The following RFTN2 variants were observed in gnomAD, a reference collection of about 807,000 sequenced individuals.
RFTN2 encodes raftlin family member 2.
In RFTN2, 34 loss-of-function variants were observed where a neutral mutation model predicts 52.7. That is an observed-to-expected ratio of 0.64 (90% CI 0.49 to 0.86). The LOEUF (loss-of-function observed/expected upper bound fraction) is 0.86. Among genes scored for constraint, RFTN2 ranks in the 40% least tolerant of loss-of-function variants. RFTN2 has a pLI of 0.00. For missense variants in RFTN2, 536 were observed against 600.1 expected (o/e 0.89, Z 1.12); for synonymous variants, 203 against 217.7 (o/e 0.93, Z 0.59).
In RFTN2 at chr2:197,569,100, A is replaced by G. The variant is rs917644827; in HGVS notation, c.*2908T>C. 3 of 152,208 alleles carry G rather than the reference A, an allele frequency of 2.0e-5. No homozygotes were observed. Among genetic ancestry groups the G allele is most frequent in the African/African-American group, 4.8e-5 (2 of 41,454 alleles). 9.4% of individuals were successfully genotyped at this position (152,208 alleles called of 1,614,324 possible). ...GGTGTTAAATGTGTCCATAAAAGAT[A>G]ACAAGGTGGTATACAATCCAAAGGG... On this transcript the variant is annotated 3_prime_UTR_variant, in exon 9 of 9. Transcript: ENST00000295049.
rs146694121 is a variant in RFTN2 at position 197,604,027 on chromosome 2, G to C, written c.1155-7958C>G. On this transcript the variant is annotated intron_variant, in intron 7 of 8. Coordinates refer to ENST00000295049, the MANE Select transcript of RFTN2 (RefSeq NM_144629.3). The stretch of plus-strand genomic sequence containing the variant: ...AAATCCAAGTGGCCAATAAACATAT[G>C]TAAATGTGCTCAATCTCAGCAAGTA... Among the ~76,000 whole-genome samples, 77 of 152,282 alleles carry C rather than the reference G, an allele frequency of 5.1e-4. 2 individuals carry two copies. The South Asian group carries it at 8.3e-3, about 16-fold the overall frequency.
At position 197,619,740 on chromosome 2, in the gene RFTN2, TAA is replaced by T. The variant is rs201532331; in HGVS notation, c.929-1821_929-1820del. Among the ~76,000 whole-genome samples, 325 of 126,974 alleles carry T rather than the reference TAA, an allele frequency of 2.6e-3. 5 individuals are homozygous for T. Among genetic ancestry groups the T allele is most frequent in the African/African-American group, 9.9e-3 (314 of 31,688 alleles). The allele number at this position is 126,974 out of a possible 152,430, so 83.3% of individuals were successfully genotyped here. A position where few individuals can be genotyped will look rare whatever the true frequency, so the allele number is the denominator to read the frequency against. ...CGAGAAACACCCAAGAATGATCAAT[TAA>T]AAAAAAAAAATAATAATAACAATAA... On this transcript the variant is annotated intron_variant, in intron 5 of 8. Coordinates refer to ENST00000295049, the MANE Select transcript of RFTN2 (RefSeq NM_144629.3).
chr2:197,590,423 C>T (rs1461352598), intron 8 of RFTN2, among the ~76,000 whole-genome samples: 1 of 152,020 alleles, frequency 6.6e-6, no homozygotes, highest in Non-Finnish European at 1.5e-5. Flanking sequence ...AAAACAAATT[C>T]CAAAAGTAAA....
intron 7 of RFTN2, among the ~76,000 whole-genome samples, chr2:197,606,946 G>T (rs959290211): frequency 6.6e-6 from 1 of 152,214 alleles, no homozygotes; most frequent in African/African-American, 2.4e-5. Context: ...TCTGGAACTA[G>T]AAATACTATT....
chr2:197,662,756 T>C (rs1395845907), intron 1 of RFTN2, among the ~76,000 whole-genome samples: 1 of 152,152 alleles, frequency 6.6e-6, no homozygotes, highest in Non-Finnish European at 1.5e-5. Context: ...TTTTGTTTGG[T>C]GTCCTCTTCC....
chr2:197,590,943 G>A (rs774161468), intron 8 of RFTN2, among the ~76,000 whole-genome samples: 4 of 152,202 alleles, frequency 2.6e-5, no homozygotes, highest in Admixed American at 1.3e-4. Flanking sequence ...TGGGGAAGAC[G>A]AGCCCAGCAG....
chr2:197,587,308 A>G (rs1029263016), intron 8 of RFTN2, among the ~76,000 whole-genome samples: 2 of 152,020 alleles, frequency 1.3e-5, no homozygotes, highest in Admixed American at 6.6e-5. Context: ...CCGTCCCAAC[A>G]CTTTACCACT....
chr2:197,588,511 C>A (rs1385847650), intron 8 of RFTN2, among the ~76,000 whole-genome samples: 1 of 152,208 alleles, frequency 6.6e-6, no homozygotes, highest in Non-Finnish European at 1.5e-5. Context: ...ACACCATGCC[C>A]AGTCCTTTTT....
rs1212806708 is a variant in RFTN2, at chr2:197,674,320, C to T, written c.139+1000G>A. Among the ~76,000 whole-genome samples the T allele has an allele frequency of 8.9e-5, 7 of 79,070 alleles. No homozygotes were observed. The Admixed American group carries it at 1.2e-3, about 13-fold the overall frequency. The allele number at this position is 79,070 out of a possible 152,430, so 51.9% of individuals were successfully genotyped here. On this transcript the variant is annotated intron_variant, in intron 1 of 8. Coordinates refer to ENST00000295049, the MANE Select transcript of RFTN2 (RefSeq NM_144629.3). ...TGCTCTTGCTTCTTGCACAAAGATG[C>T]ACTGTTTCTAGAGCAAAGCAAAAAA...
intron 8 of RFTN2, among the ~76,000 whole-genome samples, chr2:197,576,063 C>T (rs563537991): frequency 4.4e-4 from 67 of 151,534 alleles, no homozygotes; most frequent in Non-Finnish European, 6.8e-4. Flanking sequence ...GGCTGGAGTG[C>T]GGTGGTGCAA....
At position 197,617,787 on chromosome 2, in the gene RFTN2, A is replaced by T. The variant is rs760438483; in HGVS notation, c.1050+13T>A. 1.4e-6 allele frequency: 2 copies of T among 1,385,288 alleles called. No homozygotes were observed. Among genetic ancestry groups the T allele is most frequent in the South Asian group, 3.7e-5 (2 of 53,556 alleles). The allele number at this position is 1,385,288 out of a possible 1,614,324, so 85.8% of individuals were successfully genotyped here. On this transcript the variant is annotated intron_variant, in intron 6 of 8. Transcript: ENST00000295049. ...TATATGTAAAGCTAAATTGTCAGAA[A>T]ACTGCAGCTCACCTCAATAACAGTC... is the stretch of plus-strand genomic sequence containing the variant.
Position 197,617,851 on chromosome 2 carries a change from A to G in RFTN2, c.999T>C (p.Ser333=), listed in dbSNP as rs781555710. 2.5e-6 allele frequency: 4 copies of G among 1,609,292 alleles called. No homozygotes were observed. The Admixed American group carries it at 5.0e-5, about 20-fold the overall frequency. Residue 333 remains serine, a synonymous_variant, in exon 6 of 9, where the codon TCT becomes TCC. Coordinates refer to ENST00000295049, the MANE Select transcript of RFTN2 (RefSeq NM_144629.3). ...YEEEGSGVPG[S]SRKGNDAIVV... ...CGATGGCATCATTTCCTTTCCTACTAGAACCTGGAACTCCAGAACCTTCTT... is the reference window on the plus strand; with the variant it reads ...CGATGGCATCATTTCCTTTCCTACTGGAACCTGGAACTCCAGAACCTTCTT...
chr2:197,586,749 G>A (rs151024295), intron 8 of RFTN2, among the ~76,000 whole-genome samples: 137 of 152,254 alleles, frequency 9.0e-4, no homozygotes, highest in African/African-American at 3.1e-3. Context: ...CATCACAGAC[G>A]TATCACAAAT....
chr2:197,612,821 A>G (rs1437826083), intron 7 of RFTN2, among the ~76,000 whole-genome samples: 1 of 152,228 alleles, frequency 6.6e-6, no homozygotes, highest in Non-Finnish European at 1.5e-5. Flanking sequence ...TATTTGAGTG[A>G]GGGAAAAACA....
At chr2:197,675,298 A>G in intron 1 of RFTN2, 22 bp downstream of exon 1, 1 of 1,556,486 alleles carries the variant, frequency 6.4e-7, no homozygotes, top group Non-Finnish European at 8.7e-7. Context: ...CATTTAACAA[A>G]CAAAATAGAA....
intron 4 of RFTN2, among the ~76,000 whole-genome samples, chr2:197,631,574 C>T (rs2088469822): frequency 6.6e-6 from 1 of 152,160 alleles, no homozygotes; most frequent in Admixed American, 6.5e-5. Flanking sequence ...TGGTATCCTA[C>T]TGTAGATATG....
chr2:197,611,811 G>A lies in RFTN2; in HGVS notation c.1154+4065C>T, dbSNP rs553617710. ...TGTCCCATATATTCCGGTATGTTGTGTCTTTGTTCTCATTGGTTTCAAAGA... is the reference window on the plus strand; with the variant it reads ...TGTCCCATATATTCCGGTATGTTGTATCTTTGTTCTCATTGGTTTCAAAGA... On this transcript the variant is annotated intron_variant, in intron 7 of 8. Coordinates refer to ENST00000295049, the MANE Select transcript of RFTN2 (RefSeq NM_144629.3). Among the ~76,000 whole-genome samples the A allele has an allele frequency of 5.9e-5, 9 of 152,230 alleles. No homozygotes were observed. The South Asian group carries it at 1.9e-3, about 32-fold the overall frequency.
At chr2:197,589,423 T>C (rs1465826478) in intron 8 of RFTN2, among the ~76,000 whole-genome samples, 1 of 152,100 alleles carries the variant, frequency 6.6e-6, no homozygotes, top group African/African-American at 2.4e-5. Context: ...GGTATGTCTT[T>C]ATCAGCTGCG....
intron 7 of RFTN2, among the ~76,000 whole-genome samples, chr2:197,610,431 A>G (rs1032772608): frequency 1.3e-5 from 2 of 152,212 alleles, no homozygotes; most frequent in African/African-American, 4.8e-5. Context: ...ATTGGTGTAT[A>G]GGAATGCTTG....
Sources: allele counts gnomAD v4.1 joint callset (sites outside exome capture counted in the v4.1 genomes callset), GRCh38; gene constraint gnomAD v4.1.1; transcripts MANE v1.5; gene names NCBI Gene and HGNC (gene_info 2026-07-23, HGNC 2026-07-21).